RELN: variants seen among roughly 807,000 people sequenced by gnomAD.
The protein encoded by RELN is reelin.
In RELN, 108 loss-of-function variants were observed where a neutral mutation model predicts 427.6. The observed-to-expected ratio is 0.25, with a 90% CI of 0.22 to 0.30. RELN has a LOEUF of 0.30. RELN is among the 10% of genes least tolerant of loss of function. The probability of loss-of-function intolerance (pLI) is 1.00; values close to 1 mark genes in which losing one functional copy is unlikely to be tolerated. For missense variants in RELN, 3,715 were observed against 4,302.8 expected (o/e 0.86, Z 3.82); for synonymous variants, 1,524 against 1,513.4 (o/e 1.01, Z -0.16).
chr7:103,508,933 C>G (rs1829306340), intron 51 of RELN, among the ~76,000 whole-genome samples: 2 of 152,158 alleles, frequency 1.3e-5, no homozygotes, highest in Admixed American at 6.5e-5. Context: ...AGGAATAATA[C>G]AACTTACAAG....
intron 4 of RELN, among the ~76,000 whole-genome samples, chr7:103,772,550 ATGAGGGTTGTCTAGACCAGCC>A (rs1358491154): frequency 6.6e-6 from 1 of 152,176 alleles, no homozygotes; most frequent in Non-Finnish European, 1.5e-5. Context: ...AGAGTTATGT[ATGAGGGTTGTCTAGACCAGCC>A]TGAGGGGAAG....
At chr7:103,631,840 A>G (rs1299139196) in intron 19 of RELN, among the ~76,000 whole-genome samples, 1 of 152,056 alleles carries the variant, frequency 6.6e-6, no homozygotes, top group Non-Finnish European at 1.5e-5. Flanking sequence ...TGGTTTAACA[A>G]TGAAGATATC....
rs566657041 is a variant in RELN, at chr7:103,875,080, C to T, written c.338-41408G>A. Among the ~76,000 whole-genome samples the T allele has an allele frequency of 1.9e-4, 27 of 145,474 alleles. 1 individual carries two copies. Among genetic ancestry groups the T allele is most frequent in the Non-Finnish European group, 3.3e-4 (22 of 65,716 alleles). ...ATACCTACAACTATCTGATCTTTGA[C>T]AAACCTGAGAAAAACAAGCAATGGG... On this transcript the variant is annotated intron_variant, in intron 2 of 64. Transcript: ENST00000428762.
chr7:103,748,790 T>C (rs1172699148), intron 6 of RELN, among the ~76,000 whole-genome samples: 1 of 152,222 alleles, frequency 6.6e-6, no homozygotes, highest in Non-Finnish European at 1.5e-5. Context: ...TTTAGTATAA[T>C]AGAAAATCCA....
At chr7:103,517,859 G>A (rs1829603869) in intron 49 of RELN, among the ~76,000 whole-genome samples, 1 of 152,212 alleles carries the variant, frequency 6.6e-6, no homozygotes, top group Admixed American at 6.5e-5. Flanking sequence ...AATAAAGACA[G>A]CATGTCCAGC....
chr7:103,627,096 G>C (rs558101889), intron 20 of RELN, among the ~76,000 whole-genome samples: 1 of 152,148 alleles, frequency 6.6e-6, no homozygotes, highest in East Asian at 1.9e-4. Flanking sequence ...GTTAGAAAAT[G>C]AGAACCAAAT....
chr7:103,606,771 T>C (rs996864254), intron 22 of RELN, among the ~76,000 whole-genome samples: 4 of 152,140 alleles, frequency 2.6e-5, no homozygotes, highest in Non-Finnish European at 5.9e-5. Context: ...AATCCTTATA[T>C]GCATCTTATG....
In RELN at chr7:103,561,106, T is replaced by G. The variant is rs1830631684; in HGVS notation, c.5529+426A>C. On this transcript the variant is annotated intron_variant, in intron 36 of 64. Coordinates refer to ENST00000428762, the MANE Select transcript of RELN (RefSeq NM_005045.4). ...GTTTGAGAATGCTATTTTACTTGAC[T>G]TAAGTATTTGATTTTCTTAAAGTCA... Among the ~76,000 whole-genome samples, 2 of 152,190 alleles carry G rather than the reference T, an allele frequency of 1.3e-5. 1 individual carries two copies. Among genetic ancestry groups the G allele is most frequent in the Admixed American group, 1.3e-4 (2 of 15,280 alleles).
intron 6 of RELN, among the ~76,000 whole-genome samples, chr7:103,742,044 G>T (rs112534143): frequency 0.22 from 33,244 of 151,958 alleles, 4,808 homozygotes; most frequent in African/African-American, 0.41. Context: ...ACCGCACACG[G>T]CCAGGTACTC....
At chr7:103,529,871 A>C (rs1829901647) in intron 46 of RELN, among the ~76,000 whole-genome samples, 1 of 151,984 alleles carries the variant, frequency 6.6e-6, no homozygotes, top group African/African-American at 2.4e-5. Context: ...ATTACTCTCT[A>C]TAGTTTATGT....
chr7:103,710,129 C>T (rs1789757966), intron 8 of RELN, among the ~76,000 whole-genome samples: 1 of 152,290 alleles, frequency 6.6e-6, no homozygotes, highest in South Asian at 2.1e-4. Context: ...GAAGCTTCGG[C>T]TTCATGGCCC....
In RELN at chr7:103,636,284, C is replaced by G; in HGVS notation, c.2254G>C (p.Asp752His). The G allele has an allele frequency of 6.2e-7, 1 of 1,614,046 alleles. No homozygotes were observed. Among genetic ancestry groups the G allele is most frequent in the Non-Finnish European group, 8.5e-7 (1 of 1,179,980 alleles). Residue 752 changes from aspartate (D) to histidine (H), a missense_variant, in exon 18 of 65, where the codon GAT becomes CAT. Around this residue, in one of 4 missense-constraint regions of RELN, gnomAD observed 2,208 missense variants for 2,361.7 expected, o/e 0.93. Transcript: ENST00000428762. ...GATGTAATTAGCTGACGCCGCCCAT[C>G]TTTGTTGAAAACCAGGGCCTTACCA... ...ASGKALVFNK[D>H]GRRQLITSFL... is the part of the protein sequence containing the mutation.
intron 1 of RELN, among the ~76,000 whole-genome samples, chr7:103,959,387 C>T (rs1264049977): frequency 6.6e-6 from 1 of 152,152 alleles, no homozygotes; most frequent in Non-Finnish European, 1.5e-5. Context: ...CCAGCCCAAA[C>T]CCCTCCCAAG....
At chr7:103,630,860 G>T (rs56385532) in intron 19 of RELN, among the ~76,000 whole-genome samples, 18,703 of 133,676 alleles carry the variant, frequency 0.14, 1,382 homozygotes, top group South Asian at 0.17. Flanking sequence ...TGTTTTTTTT[G>T]TTTTTTTTTT....
intron 2 of RELN, among the ~76,000 whole-genome samples, chr7:103,899,774 A>G (rs529156083): frequency 6.6e-6 from 1 of 152,280 alleles, no homozygotes; most frequent in African/African-American, 2.4e-5. Flanking sequence ...CTCTCAATAA[A>G]CTGGGTATTG....
chr7:103,926,246 A>G (rs10264748), intron 1 of RELN, among the ~76,000 whole-genome samples: 78,910 of 151,320 alleles, frequency 0.52, 21,129 homozygotes, highest in East Asian at 0.74. Flanking sequence ...GACTACGGGT[A>G]CGTGCCATCA....
intron 20 of RELN, among the ~76,000 whole-genome samples, chr7:103,628,883 G>C (rs1832388043): frequency 6.6e-6 from 1 of 152,184 alleles, no homozygotes; most frequent in South Asian, 2.1e-4. Flanking sequence ...TTTAAGTCCA[G>C]GATCTCTGGG....
Position 103,988,183 on chromosome 7 carries a change from G to A in RELN, c.226+948C>T, listed in dbSNP as rs114974474. On this transcript the variant is annotated intron_variant, in intron 1 of 64. Transcript: ENST00000428762. This position sits in a 1 kb window ranked among gnomAD's most constrained non-coding sequence, Gnocchi z 4.9. ...CTGTCGCTGCTTAAAAGCTCTATAGGCATGAAATGTTCAGAAGTCCCAGAA... is the reference window on the plus strand; with the variant it reads ...CTGTCGCTGCTTAAAAGCTCTATAGACATGAAATGTTCAGAAGTCCCAGAA... 0.014 allele frequency among the ~76,000 whole-genome samples: 2,093 copies of A among 152,166 alleles called. 43 individuals carry two copies. The highest frequency in any genetic ancestry group is 0.048 in the African/African-American group (1,986 of 41,494).
chr7:103,529,187 C>T (rs1829887388), intron 46 of RELN, among the ~76,000 whole-genome samples: 1 of 152,076 alleles, frequency 6.6e-6, no homozygotes, highest in Non-Finnish European at 1.5e-5. Context: ...GTTATAGCCT[C>T]CCATCCCCAT....
Sources: gnomAD v4.1 joint callset for allele counts (sites outside exome capture counted in the v4.1 genomes callset) on GRCh38, gnomAD v4.1.1 for gene constraint, gnomAD v4.1.1 regional missense constraint, Gnocchi (gnomAD v3.1) non-coding constraint, MANE v1.5 for transcripts, NCBI Gene and HGNC (gene_info 2026-07-23, HGNC 2026-07-21) for gene names.